The following NRG1 variants were observed in gnomAD, a reference collection of about 807,000 sequenced individuals.
NRG1 encodes the protein neuregulin 1, also known as pro-neuregulin-1, membrane-bound isoform.
A neutral mutation model predicts 63.8 loss-of-function variants in NRG1; 18 were observed. That is an observed-to-expected ratio of 0.28 (90% CI 0.19 to 0.42). The LOEUF (loss-of-function observed/expected upper bound fraction) is 0.42. Ranked by LOEUF, NRG1 falls within the 10% of genes least tolerant of loss-of-function variation. The pLI is 1.00. For missense variants in NRG1, 762 were observed against 814.7 expected (o/e 0.94, Z 0.79); for synonymous variants, 302 against 301.3 (o/e 1.00, Z -0.02).
rs905990962 is a variant in NRG1 at position 32,097,274 on chromosome 8, A to G, written c.37+457843A>G. 5.9e-5 allele frequency among the ~76,000 whole-genome samples: 9 copies of G among 152,314 alleles called. 1 individual carries two copies. The highest frequency in any genetic ancestry group is 5.2e-4 in the Admixed American group (8 of 15,300). ...ATGGATATTTAGGTTACTTTCATATACTGTTATTGTGATTAGTGCAACAAT... is the reference window on the plus strand; with the variant it reads ...ATGGATATTTAGGTTACTTTCATATGCTGTTATTGTGATTAGTGCAACAAT... On this transcript the variant is annotated intron_variant, in intron 1 of 10. Transcript: ENST00000519301.
At chr8:31,761,116 G>A (rs1423781208) in intron 1 of NRG1, among the ~76,000 whole-genome samples, 1 of 152,174 alleles carries the variant, frequency 6.6e-6, no homozygotes, top group Non-Finnish European at 1.5e-5. Context: ...GGAATACTAT[G>A]CAGCCATAAA....
At chr8:31,891,796 G>A (rs956402452) in intron 1 of NRG1, among the ~76,000 whole-genome samples, 2 of 152,100 alleles carry the variant, frequency 1.3e-5, no homozygotes, top group Non-Finnish European at 2.9e-5. Flanking sequence ...CCATACCATG[G>A]AATAGTATTC....
intron 1 of NRG1, among the ~76,000 whole-genome samples, chr8:31,754,134 T>C (rs768397632): frequency 6.6e-6 from 1 of 152,110 alleles, no homozygotes; most frequent in Non-Finnish European, 1.5e-5. Flanking sequence ...CAATGACATA[T>C]CTTTTACCTA....
chr8:32,193,653 G>GC (rs1842706356), intron 1 of NRG1, among the ~76,000 whole-genome samples: 1 of 152,036 alleles, frequency 6.6e-6, no homozygotes, highest in African/African-American at 2.4e-5. Flanking sequence ...TTGTGATGCC[G>GC]CCCCCCTGCC....
intron 1 of NRG1, among the ~76,000 whole-genome samples, chr8:31,844,366 C>CTGAGATTTCTCAGCTCTCTGAGA (rs1292567555): frequency 6.6e-6 from 1 of 152,154 alleles, no homozygotes. Flanking sequence ...TCTGGTGCCT[C>CTGAGATTTCTCAGCTCTCTGAGA]TTACTGGCTT....
chr8:32,256,343 G>A (rs1485991815), intron 1 of NRG1, among the ~76,000 whole-genome samples: 1 of 152,122 alleles, frequency 6.6e-6, no homozygotes, highest in East Asian at 1.9e-4. Flanking sequence ...TTTGGTCTTT[G>A]ATACTGGTGA....
rs1837870764 is a variant in NRG1, at chr8:32,154,767, C to T, written c.38-441061C>T. On this transcript the variant is annotated intron_variant, in intron 1 of 10. Transcript: ENST00000519301. ...ATGAAAATATGTTCCATGATAAAAA[C>T]CAGCACATATTCCCTTTCATCAGGA... Among the ~76,000 whole-genome samples the T allele has an allele frequency of 2.0e-5, 3 of 152,080 alleles. No individual in the cohort carries two copies. In the South Asian group the frequency reaches 6.2e-4, roughly 32 times the overall value.
chr8:32,016,741 C>CCATA (rs1420190670), intron 1 of NRG1, among the ~76,000 whole-genome samples: 1 of 151,796 alleles, frequency 6.6e-6, no homozygotes, highest in East Asian at 1.9e-4. Context: ...TAATAACCAG[C>CCATA]CATATTAAAG....
At chr8:32,337,681 A>AAAAAAAAAAAAAAAAAAAC (rs1803481160) in intron 1 of NRG1, among the ~76,000 whole-genome samples, 1 of 120,978 alleles carries the variant, frequency 8.3e-6, no homozygotes, top group African/African-American at 2.9e-5. Flanking sequence ...AAAAAAAAAA[A>AAAAAAAAAAAAAAAAAAAC]AGCTGATGCA....
intron 1 of NRG1, among the ~76,000 whole-genome samples, chr8:32,245,531 G>A (rs935369593): frequency 2.0e-5 from 3 of 152,152 alleles, no homozygotes; most frequent in African/African-American, 7.2e-5. Flanking sequence ...TTATGAAACT[G>A]TATAATATGG....
At chr8:31,926,417 C>T (rs1443338114) in intron 1 of NRG1, among the ~76,000 whole-genome samples, 1 of 152,064 alleles carries the variant, frequency 6.6e-6, no homozygotes, top group Non-Finnish European at 1.5e-5. Context: ...CAAGTTCTAA[C>T]TGTCTTAATC....
chr8:31,969,716 C>T (rs1051864783), intron 1 of NRG1, among the ~76,000 whole-genome samples: 12 of 152,160 alleles, frequency 7.9e-5, no homozygotes, highest in Non-Finnish European at 1.5e-4. Flanking sequence ...ACACAGAAAC[C>T]TAATTTACCT....
intron 1 of NRG1, among the ~76,000 whole-genome samples, chr8:32,451,835 T>C (rs1395335425): frequency 6.6e-6 from 1 of 152,184 alleles, no homozygotes; most frequent in African/African-American, 2.4e-5. Flanking sequence ...CTCACTTCCT[T>C]CTTTTTTTTA....
chr8:31,919,591 C>G (rs1406335042), intron 1 of NRG1, among the ~76,000 whole-genome samples: 1 of 151,994 alleles, frequency 6.6e-6, no homozygotes, highest in Non-Finnish European at 1.5e-5. Context: ...ATTACTGAAA[C>G]TTAATTAGTA....
chr8:32,331,924 T>C (rs1037267617), intron 1 of NRG1, among the ~76,000 whole-genome samples: 1 of 152,056 alleles, frequency 6.6e-6, no homozygotes, highest in African/African-American at 2.4e-5. Context: ...CTATGTCAAA[T>C]GGAAGTAAAA....
At chr8:31,783,967 T>C (rs1412635335) in intron 1 of NRG1, among the ~76,000 whole-genome samples, 1 of 152,186 alleles carries the variant, frequency 6.6e-6, no homozygotes, top group Admixed American at 6.6e-5. Flanking sequence ...ATTCGGATGG[T>C]ACTATAAGTT....
At chr8:32,138,852 G>A (rs1397281987) in intron 1 of NRG1, among the ~76,000 whole-genome samples, 1 of 152,058 alleles carries the variant, frequency 6.6e-6, no homozygotes, top group Non-Finnish European at 1.5e-5. Flanking sequence ...TTATAGGCAT[G>A]AGCCACCATG....
intron 1 of NRG1, among the ~76,000 whole-genome samples, chr8:31,663,621 C>A (rs1318651708): frequency 6.6e-6 from 1 of 152,154 alleles, no homozygotes; most frequent in Non-Finnish European, 1.5e-5. Flanking sequence ...GCACCTTTTC[C>A]CCCAAATGTC....
At chr8:31,967,635 G>C (rs192323452) in intron 1 of NRG1, among the ~76,000 whole-genome samples, 45 of 152,294 alleles carry the variant, frequency 3.0e-4, no homozygotes, top group Middle Eastern at 3.4e-3. Flanking sequence ...AGAAGGCAGG[G>C]TGAGGAAGGA....
Sources: allele counts gnomAD v4.1 joint callset (sites outside exome capture counted in the v4.1 genomes callset), GRCh38; gene constraint gnomAD v4.1.1; transcripts MANE v1.5; gene names NCBI Gene and HGNC (gene_info 2026-07-23, HGNC 2026-07-21).